Variants in TSPAN18 observed in about 807,000 individuals in gnomAD.
TSPAN18 encodes the protein tetraspanin 18, also known as tetraspanin-18.
Under a neutral mutation model 27.3 loss-of-function variants are expected in TSPAN18, and 14 were observed. The ratio of observed to expected loss-of-function variants is 0.51; its 90% CI spans 0.34 to 0.80. The LOEUF is 0.80. TSPAN18 is among the 30% of genes least tolerant of loss of function. The pLI, the probability that TSPAN18 is intolerant of heterozygous loss-of-function variation, is 0.01. For synonymous variants in TSPAN18, 143 were observed against 136.5 expected (o/e 1.05, Z -0.33); for missense variants, 268 against 323.9 (o/e 0.83, Z 1.32).
At chr11:44,866,001 T>TG (rs1273692368) in intron 3 of TSPAN18, among the ~76,000 whole-genome samples, 1 of 152,252 alleles carries the variant, frequency 6.6e-6, no homozygotes, top group Non-Finnish European at 1.5e-5. Context: ...GGCCACCTGC[T>TG]GGGGGCCCCT....
At chr11:44,886,887 C>G (rs1262001536) in intron 3 of TSPAN18, among the ~76,000 whole-genome samples, 1 of 152,140 alleles carries the variant, frequency 6.6e-6, no homozygotes, top group Non-Finnish European at 1.5e-5. Flanking sequence ...TCTGCATCCA[C>G]AGCTTGTCTG....
At chr11:44,755,740 G>A (rs1482414347) in intron 1 of TSPAN18, among the ~76,000 whole-genome samples, 1 of 152,212 alleles carries the variant, frequency 6.6e-6, no homozygotes. Context: ...GGATCCTGTG[G>A]CCTGGCATCG....
chr11:44,742,805 C>A (rs1041185458), intron 1 of TSPAN18, among the ~76,000 whole-genome samples: 11 of 152,232 alleles, frequency 7.2e-5, no homozygotes, highest in Non-Finnish European at 1.5e-4. Context: ...GCACCCGACT[C>A]CTCATCCTTT....
In TSPAN18 at chr11:44,740,163, C is replaced by T. The variant is rs559329638; in HGVS notation, c.-240+12876C>T. ...CGCCCCTTGCCTATCTCTGCTTTGT[C>T]CCCGCAAATGTCATCTTTTCCTTTT... On this transcript the variant is annotated intron_variant, in intron 1 of 9. Transcript: ENST00000520358. Among the ~76,000 whole-genome samples the T allele has an allele frequency of 2.0e-5, 3 of 152,304 alleles. No homozygotes were observed. In the South Asian group the frequency reaches 6.2e-4, roughly 32 times the overall value.
chr11:44,913,489 AT>A (rs1028657688), intron 5 of TSPAN18, among the ~76,000 whole-genome samples: 4 of 152,178 alleles, frequency 2.6e-5, no homozygotes, highest in Admixed American at 1.3e-4. Flanking sequence ...TATTTCAAGG[AT>A]TTTTTTAAGC....
intron 2 of TSPAN18, among the ~76,000 whole-genome samples, chr11:44,822,853 C>A (rs1856955302): frequency 1.3e-5 from 2 of 152,124 alleles, no homozygotes. Flanking sequence ...AATATAAGTC[C>A]TGCTAAACCA....
At chr11:44,826,249 C>G (rs1275505063) in intron 2 of TSPAN18, among the ~76,000 whole-genome samples, 2 of 152,088 alleles carry the variant, frequency 1.3e-5, no homozygotes, top group East Asian at 1.9e-4. Context: ...ATGGAGAAAC[C>G]CCGTCTCTAC....
intron 2 of TSPAN18, among the ~76,000 whole-genome samples, chr11:44,835,841 AAT>A (rs1296241950): frequency 6.6e-6 from 1 of 152,146 alleles, no homozygotes; most frequent in African/African-American, 2.4e-5. Flanking sequence ...TTTCATTATT[AAT>A]ATGTCTGTTG....
chr11:44,799,231 A>T (rs1423591900), intron 2 of TSPAN18, among the ~76,000 whole-genome samples: 3 of 150,088 alleles, frequency 2.0e-5, no homozygotes, highest in African/African-American at 7.4e-5. Context: ...ACCTTCTTGA[A>T]CCCTCGTCCC....
At chr11:44,850,523 A>G (rs1287605027) in intron 2 of TSPAN18, among the ~76,000 whole-genome samples, 1 of 151,994 alleles carries the variant, frequency 6.6e-6, no homozygotes, top group Non-Finnish European at 1.5e-5. Flanking sequence ...TTTCCAGAAA[A>G]ACCCTTCAAT....
chr11:44,834,857 A>G (rs1025189236), intron 2 of TSPAN18, among the ~76,000 whole-genome samples: 1 of 152,228 alleles, frequency 6.6e-6, no homozygotes, highest in East Asian at 1.9e-4. Flanking sequence ...ATGATTTCCC[A>G]GAAGAAGCCT....
Position 44,842,748 on chromosome 11 carries a change from T to G in TSPAN18, c.-152-17580T>G, listed in dbSNP as rs190358224. ...CATGATTCAATCCATCATCCTAAAATTCCATTTAGGAATCACATATAAACA... is the reference window on the plus strand; with the variant it reads ...CATGATTCAATCCATCATCCTAAAAGTCCATTTAGGAATCACATATAAACA... On this transcript the variant is annotated intron_variant, in intron 2 of 9. Coordinates refer to ENST00000520358, the MANE Select transcript of TSPAN18 (RefSeq NM_130783.5). Among the ~76,000 whole-genome samples the G allele has an allele frequency of 2.0e-5, 3 of 152,324 alleles. No individual in the cohort carries two copies. The East Asian group carries it at 5.8e-4, about 29-fold the overall frequency.
intron 3 of TSPAN18, among the ~76,000 whole-genome samples, chr11:44,869,484 C>A (rs553342904): frequency 6.6e-6 from 1 of 152,316 alleles, no homozygotes; most frequent in Admixed American, 6.5e-5. Flanking sequence ...TCAGATCTCT[C>A]CACAGTGCAT....
chr11:44,807,552 GAAAA>G (rs1441775741), intron 2 of TSPAN18, among the ~76,000 whole-genome samples: 1 of 113,860 alleles, frequency 8.8e-6, no homozygotes, highest in Non-Finnish European at 1.9e-5. Context: ...AAAAAAAAAA[GAAAA>G]GAAAAAAGAA....
rs1393642316 is a variant in TSPAN18, at chr11:44,896,040, T to C, written c.-10-10367T>C. 5.3e-5 allele frequency among the ~76,000 whole-genome samples: 8 copies of C among 152,232 alleles called. No individual in the cohort carries two copies. The East Asian group carries it at 1.2e-3, about 22-fold the overall frequency. ...TGTGTGCCCATGGTTATTTGCACCT[T>C]GCACTCCCTGGCACTTCCCCGGCAC... is the stretch of plus-strand genomic sequence containing the variant. On this transcript the variant is annotated intron_variant, in intron 3 of 9. Coordinates refer to ENST00000520358, the MANE Select transcript of TSPAN18 (RefSeq NM_130783.5).
chr11:44,848,024 AGGG>A (rs1348571482), intron 2 of TSPAN18, among the ~76,000 whole-genome samples: 2 of 151,892 alleles, frequency 1.3e-5, no homozygotes, highest in Non-Finnish European at 2.9e-5. Flanking sequence ...TAGTAGAGAT[AGGG>A]GTTTCACCAT....
chr11:44,792,650 T>A (rs911712350), intron 2 of TSPAN18, among the ~76,000 whole-genome samples: 1 of 152,198 alleles, frequency 6.6e-6, no homozygotes, highest in African/African-American at 2.4e-5. Context: ...TGGAGTGATG[T>A]AGAAACCAAG....
chr11:44,776,505 G>A (rs975138866), intron 2 of TSPAN18, among the ~76,000 whole-genome samples: 8 of 152,276 alleles, frequency 5.3e-5, no homozygotes, highest in Non-Finnish European at 8.8e-5. Context: ...GACCACAGCC[G>A]TCATATATTT....
intron 3 of TSPAN18, among the ~76,000 whole-genome samples, chr11:44,882,813 ACCCAGACC>A (rs899680108): frequency 5.3e-5 from 8 of 151,944 alleles, no homozygotes; most frequent in African/African-American, 1.2e-4. Context: ...CTGAACTTAA[ACCCAGACC>A]CCCAGACCCC....
Sources: gnomAD v4.1 joint callset for allele counts (sites outside exome capture counted in the v4.1 genomes callset) on GRCh38, gnomAD v4.1.1 for gene constraint, MANE v1.5 for transcripts, NCBI Gene and HGNC (gene_info 2026-07-23, HGNC 2026-07-21) for gene names.